Variants in CIMIP6 observed in about 807,000 individuals in gnomAD.
CIMIP6 encodes uncharacterized protein C2orf73.
chr2:54,377,496 T>C, the CIMIP6 span, among the ~76,000 whole-genome samples: 1 of 152,198 alleles, frequency 6.6e-6, no homozygotes, highest in Non-Finnish European at 1.5e-5. Flanking sequence ...CTTCTAATGA[T>C]AGATTTTCAG....
At chr2:54,381,871 G>C in the CIMIP6 span, 1 of 1,547,740 alleles carries the variant, frequency 6.5e-7, no homozygotes, top group Non-Finnish European at 8.7e-7. Context: ...AAGGAGCCAA[G>C]ACTGTAACAG....
chr2:54,371,677 C>A, the CIMIP6 span, among the ~76,000 whole-genome samples: 1 of 152,374 alleles, frequency 6.6e-6, no homozygotes, highest in Non-Finnish European at 1.5e-5. Context: ...AAGGCAAGGG[C>A]AGCCCAGGCG....
the CIMIP6 span, among the ~76,000 whole-genome samples, chr2:54,344,735 T>C: frequency 1.3e-5 from 2 of 152,098 alleles, no homozygotes; most frequent in Non-Finnish European, 2.9e-5. Flanking sequence ...TTCTTATAAA[T>C]GGACAACCAA....
chr2:54,358,323 T>C, the CIMIP6 span, among the ~76,000 whole-genome samples: 34 of 152,226 alleles, frequency 2.2e-4, no homozygotes, highest in Non-Finnish European at 4.4e-4. Flanking sequence ...ATACTCTTTC[T>C]AGTCGTGAAA....
At chr2:54,360,054 G>A in the CIMIP6 span, 87 of 895,874 alleles carry the variant, frequency 9.7e-5, no homozygotes, top group Admixed American at 9.2e-4. Context: ...GTGGTGTCTA[G>A]TTTGGGACTG....
At chr2:54,365,098 A>G in the CIMIP6 span, among the ~76,000 whole-genome samples, 9 of 152,162 alleles carry the variant, frequency 5.9e-5, no homozygotes, top group African/African-American at 1.9e-4. Context: ...GGATCCTAGA[A>G]GAGCTTTGCT....
chr2:54,336,844 A>G, the CIMIP6 span, among the ~76,000 whole-genome samples: 2 of 152,190 alleles, frequency 1.3e-5, no homozygotes, highest in African/African-American at 4.8e-5. Context: ...GCAGAAGAGC[A>G]TTCATAATGC....
chr2:54,345,728 A>G, the CIMIP6 span, among the ~76,000 whole-genome samples: 1 of 152,204 alleles, frequency 6.6e-6, no homozygotes, highest in East Asian at 1.9e-4. Context: ...AACCTCTAAA[A>G]TAATAACAAA....
the CIMIP6 span, among the ~76,000 whole-genome samples, chr2:54,375,573 A>G: frequency 1.3e-5 from 2 of 152,366 alleles, no homozygotes; most frequent in East Asian, 3.9e-4. Context: ...GTACACGTGT[A>G]TATGTTTTTA....
the CIMIP6 span, among the ~76,000 whole-genome samples, chr2:54,380,745 A>C: frequency 6.6e-6 from 1 of 152,180 alleles, no homozygotes; most frequent in Non-Finnish European, 1.5e-5. Context: ...ACGCACACAC[A>C]TGCCCACACA....
the CIMIP6 span, among the ~76,000 whole-genome samples, chr2:54,346,433 A>C: frequency 6.6e-6 from 1 of 152,160 alleles, no homozygotes; most frequent in African/African-American, 2.4e-5. Flanking sequence ...ACTGAGCTTC[A>C]AGTTCACATA....
chr2:54,380,070 A>G, the CIMIP6 span, among the ~76,000 whole-genome samples: 2 of 151,960 alleles, frequency 1.3e-5, no homozygotes, highest in Non-Finnish European at 2.9e-5. Context: ...TTGAGCCTGG[A>G]AGGTTGAGGC....
At chr2:54,378,442 T>C in the CIMIP6 span, among the ~76,000 whole-genome samples, 1 of 152,196 alleles carries the variant, frequency 6.6e-6, no homozygotes, top group Non-Finnish European at 1.5e-5. Context: ...CTTAAATTCT[T>C]CCCTAATTAA....
the CIMIP6 span, chr2:54,343,982 G>C: frequency 9.6e-7 from 1 of 1,046,416 alleles, no homozygotes; most frequent in Non-Finnish European, 1.3e-6. Context: ...ACTTCTCTAT[G>C]AAGTTGAAAA....
At chr2:54,347,413 G>T in the CIMIP6 span, among the ~76,000 whole-genome samples, 3 of 152,106 alleles carry the variant, frequency 2.0e-5, no homozygotes, top group Non-Finnish European at 4.4e-5. Flanking sequence ...AAAGAAAATG[G>T]CTTGGCATGC....
At chr2:54,377,319 T>C in the CIMIP6 span, among the ~76,000 whole-genome samples, 2 of 152,190 alleles carry the variant, frequency 1.3e-5, no homozygotes, top group African/African-American at 4.8e-5. Flanking sequence ...GTGTACAGTG[T>C]ATAGCACCAT....
chr2:54,380,044 G>A, the CIMIP6 span, among the ~76,000 whole-genome samples: 4 of 151,886 alleles, frequency 2.6e-5, no homozygotes, highest in Non-Finnish European at 5.9e-5. Context: ...TCAGGAGGCT[G>A]AGGTGGGAGG....
the CIMIP6 span, among the ~76,000 whole-genome samples, chr2:54,378,692 C>G: frequency 1.3e-5 from 2 of 152,262 alleles, no homozygotes; most frequent in South Asian, 4.2e-4. Context: ...CAAAACCATA[C>G]AGAAAAAGAA....
At chr2:54,349,665 T>C in the CIMIP6 span, among the ~76,000 whole-genome samples, 4 of 152,310 alleles carry the variant, frequency 2.6e-5, no homozygotes, top group Non-Finnish European at 5.9e-5. Flanking sequence ...AATATCTTCT[T>C]TGATGTTTTC....
Sources: allele counts gnomAD v4.1 joint callset (sites outside exome capture counted in the v4.1 genomes callset), GRCh38; gene constraint gnomAD v4.1.1; transcripts MANE v1.5; gene names NCBI Gene and HGNC (gene_info 2026-07-23, HGNC 2026-07-21).